The following ATP8B4 variants were observed in gnomAD, a reference collection of about 807,000 sequenced individuals.
ATP8B4 encodes probable phospholipid-transporting ATPase IM.
A neutral mutation model predicts 145.6 loss-of-function variants in ATP8B4; 133 were observed. That is an observed-to-expected ratio of 0.91 (90% confidence interval 0.79 to 1.05). The LOEUF is 1.05. ATP8B4 is among the 50% of genes least tolerant of loss of function. The pLI is 0.00. For synonymous variants in ATP8B4, 507 were observed against 492.9 expected, an observed-to-expected ratio of 1.03 and a Z score of -0.38; for missense variants, 1,458 against 1,425.2, an observed-to-expected ratio of 1.02 and a Z score of -0.37.
At chr15:49,923,120 C>T (rs1039313198) in intron 17 of ATP8B4, among the ~76,000 whole-genome samples, 3 of 152,168 alleles carry the variant, frequency 2.0e-5, no homozygotes, top group Non-Finnish European at 4.4e-5. Context: ...CCCTAGACGC[C>T]CACATTCTGT....
chr15:49,901,311 T>G, intron 20 of ATP8B4, 72 bp from the exon 21 acceptor site: 1 of 1,474,596 alleles, frequency 6.8e-7, no homozygotes, highest in Non-Finnish European at 9.2e-7. Context: ...AACAAGAAAC[T>G]TGCCTAGAGG....
At chr15:50,036,024 C>T (rs566018322) in intron 6 of ATP8B4, among the ~76,000 whole-genome samples, 5 of 152,320 alleles carry the variant, frequency 3.3e-5, no homozygotes, top group African/African-American at 1.2e-4. Flanking sequence ...TGAATTGTGG[C>T]CCACAGATGC....
chr15:50,058,612 CA>C (rs920451344), intron 3 of ATP8B4, among the ~76,000 whole-genome samples: 2 of 152,198 alleles, frequency 1.3e-5, no homozygotes, highest in Admixed American at 1.3e-4. Context: ...AACACCACCT[CA>C]GGGGTAGCCA....
intron 12 of ATP8B4, among the ~76,000 whole-genome samples, chr15:49,979,286 T>C (rs1421069862): frequency 1.3e-5 from 2 of 152,122 alleles, no homozygotes; most frequent in African/African-American, 2.4e-5. Context: ...TCTATAGATC[T>C]CCCCAATGTT....
At chr15:49,983,541 T>C (rs1036189539) in intron 10 of ATP8B4, among the ~76,000 whole-genome samples, 2 of 152,188 alleles carry the variant, frequency 1.3e-5, no homozygotes, top group South Asian at 2.1e-4. Flanking sequence ...CCTAGAAACT[T>C]TGTCTCCCTG....
chr15:50,163,445 TAC>T (rs1489503982), intron 1 of ATP8B4, among the ~76,000 whole-genome samples: 2 of 152,240 alleles, frequency 1.3e-5, no homozygotes, highest in African/African-American at 4.8e-5. Flanking sequence ...ACCAGGCAGA[TAC>T]ACTTGTTCTA....
chr15:49,965,225 G>A (rs1317253853), intron 13 of ATP8B4, among the ~76,000 whole-genome samples: 2 of 152,114 alleles, frequency 1.3e-5, no homozygotes, highest in East Asian at 3.9e-4. Flanking sequence ...TAGGGGTGTG[G>A]GTAACCAAAG....
chr15:50,158,901 A>G (rs1477075208), intron 1 of ATP8B4, among the ~76,000 whole-genome samples: 3 of 152,200 alleles, frequency 2.0e-5, no homozygotes, highest in Non-Finnish European at 4.4e-5. Context: ...AGATGCTTGA[A>G]GGCAGCATGC....
chr15:49,943,434 AATTG>A (rs1289929532), intron 14 of ATP8B4, among the ~76,000 whole-genome samples: 1 of 152,112 alleles, frequency 6.6e-6, no homozygotes, highest in East Asian at 1.9e-4. Flanking sequence ...AATATAATCA[AATTG>A]TCAAAAGTCA....
intron 16 of ATP8B4, among the ~76,000 whole-genome samples, chr15:49,927,852 C>T (rs1298385081): frequency 1.3e-5 from 2 of 152,076 alleles, no homozygotes; most frequent in East Asian, 1.9e-4. Flanking sequence ...CTGGTGATGA[C>T]TTCCCTGTTG....
chr15:50,156,007 G>A (rs1297711266), intron 1 of ATP8B4, among the ~76,000 whole-genome samples: 3 of 145,466 alleles, frequency 2.1e-5, no homozygotes, highest in Non-Finnish European at 4.5e-5. Flanking sequence ...AGGACTGGCT[G>A]ACTGGTATAA....
At chr15:49,949,475 T>C (rs1237745437) in intron 14 of ATP8B4, among the ~76,000 whole-genome samples, 1 of 152,158 alleles carries the variant, frequency 6.6e-6, no homozygotes, top group African/African-American at 2.4e-5. Flanking sequence ...TGCTTGCCTA[T>C]TGTTGGTGTA....
intron 3 of ATP8B4, among the ~76,000 whole-genome samples, chr15:50,063,727 A>G (rs2053187558): frequency 6.6e-6 from 1 of 152,164 alleles, no homozygotes; most frequent in Non-Finnish European, 1.5e-5. Context: ...ACCCACTTGA[A>G]GAAGTTATAG....
chr15:49,999,239 A>C (rs2047687141), intron 8 of ATP8B4, among the ~76,000 whole-genome samples: 1 of 152,034 alleles, frequency 6.6e-6, no homozygotes, highest in African/African-American at 2.4e-5. Context: ...TTGTAGGGAC[A>C]TGGATGAAAT....
At position 50,006,617 on chromosome 15, in the gene ATP8B4, G is replaced by A. The variant is rs1308761144; in HGVS notation, c.435+4228C>T. ...CCACCCCAGTCACGCCTGGAGTTTA[G>A]GTCAAATTAATCATTCTAGCCCTAT... On this transcript the variant is annotated intron_variant, in intron 7 of 27. Transcript: ENST00000284509. Among the ~76,000 whole-genome samples the A allele has an allele frequency of 2.0e-5, 3 of 151,930 alleles. No individual in the cohort carries two copies. The East Asian group carries it at 5.8e-4, about 29-fold the overall frequency.
At chr15:49,879,499 A>G (rs1043530896) in intron 23 of ATP8B4, 40 bp from the exon 24 acceptor site, 1 of 1,508,322 alleles carries the variant, frequency 6.6e-7, no homozygotes, top group Non-Finnish European at 9.1e-7. Context: ...AACATCATCC[A>G]TAGTAGTGAG....
chr15:49,867,799 A>C (rs1004005966), intron 25 of ATP8B4, among the ~76,000 whole-genome samples: 1 of 152,260 alleles, frequency 6.6e-6, no homozygotes, highest in African/African-American at 2.4e-5. Context: ...GTCACAGAAA[A>C]AAATAATCTG....
intron 9 of ATP8B4, among the ~76,000 whole-genome samples, chr15:49,991,140 G>A (rs1207432244): frequency 6.6e-6 from 1 of 152,088 alleles, no homozygotes; most frequent in Non-Finnish European, 1.5e-5. Context: ...AGGTGAATAG[G>A]AAAGCTATCT....
chr15:49,940,627 C>T (rs2042094921), intron 14 of ATP8B4, among the ~76,000 whole-genome samples: 1 of 152,090 alleles, frequency 6.6e-6, no homozygotes, highest in South Asian at 2.1e-4. Flanking sequence ...TTTGGAAAGA[C>T]TCTAAGGAGT....
Sources: allele counts gnomAD v4.1 joint callset (sites outside exome capture counted in the v4.1 genomes callset), GRCh38; gene constraint gnomAD v4.1.1; transcripts MANE v1.5; gene names NCBI Gene and HGNC (gene_info 2026-07-23, HGNC 2026-07-21).